The following ARRB1 variants were observed in gnomAD, a reference collection of about 807,000 sequenced individuals.
ARRB1 encodes beta-arrestin-1.
In ARRB1, 21 loss-of-function variants were observed where a neutral mutation model predicts 56.8. That is an observed-to-expected ratio of 0.37 (90% CI 0.26 to 0.53). ARRB1 has a LOEUF of 0.53. Among genes scored for constraint, ARRB1 ranks in the 20% least tolerant of loss-of-function variants. The pLI is 0.88. For synonymous variants in ARRB1, 210 were observed against 218.6 expected (o/e 0.96, Z 0.35); for missense variants, 424 against 553.7 (o/e 0.77, Z 2.35).
rs780614278 is a variant in ARRB1 at position 75,281,928 on chromosome 11, G to A, written c.414+34C>T. The A allele has an allele frequency of 2.5e-6, 4 of 1,608,754 alleles. No homozygotes were observed. The South Asian group carries it at 4.4e-5, about 18-fold the overall frequency. ...GGGACCTGGGGACATGAGACTCCTG[G>A]AGCCAGAGAGATGGTCCCCTTGGGG... is the stretch of plus-strand genomic sequence containing the variant. On this transcript the variant is annotated intron_variant, in intron 6 of 15. Coordinates refer to ENST00000420843, the MANE Select transcript of ARRB1 (RefSeq NM_004041.5).
chr11:75,346,703 G>A (rs192284440), intron 1 of ARRB1, among the ~76,000 whole-genome samples: 25 of 152,212 alleles, frequency 1.6e-4, no homozygotes, highest in African/African-American at 5.8e-4. Context: ...ATGGCCTTCC[G>A]TCAGTTTCCT....
At chr11:75,321,822 T>C (rs1385632116) in intron 1 of ARRB1, among the ~76,000 whole-genome samples, 1 of 152,232 alleles carries the variant, frequency 6.6e-6, no homozygotes, top group Admixed American at 6.5e-5. Context: ...GTGTGTCAGA[T>C]GCTGTTGGCC....
At chr11:75,343,812 ATT>A (rs113649592) in intron 1 of ARRB1, among the ~76,000 whole-genome samples, 5 of 145,998 alleles carry the variant, frequency 3.4e-5, no homozygotes, top group Non-Finnish European at 4.5e-5. Context: ...TGACCTGAGT[ATT>A]TTTTTTTTTT....
intron 1 of ARRB1, among the ~76,000 whole-genome samples, chr11:75,318,572 C>T (rs542727450): frequency 6.6e-6 from 1 of 152,264 alleles, no homozygotes; most frequent in Admixed American, 6.5e-5. Flanking sequence ...CACCTTTAAT[C>T]CCAGCTACTC....
chr11:75,350,414 AAG>A (rs1947828411), intron 1 of ARRB1, among the ~76,000 whole-genome samples: 1 of 152,212 alleles, frequency 6.6e-6, no homozygotes, highest in South Asian at 2.1e-4. Flanking sequence ...ATAGAAGAGA[AAG>A]ACAGAAAACA....
chr11:75,322,655 C>T (rs1244189480), intron 1 of ARRB1, among the ~76,000 whole-genome samples: 1 of 152,194 alleles, frequency 6.6e-6, no homozygotes, highest in Non-Finnish European at 1.5e-5. Context: ...GTGGATATTA[C>T]TCTGTCACCG....
Position 75,263,842 on chromosome 11 carries a change from G to A in ARRB1, c.*2321C>T, listed in dbSNP as rs1945852399. ...CCAAAAGGGTGAGCGTGATGTTGAG[G>A]TGCAGGAGGCTCGGGAAACCAGCCT... is the stretch of plus-strand genomic sequence containing the variant. On this transcript the variant is annotated 3_prime_UTR_variant, in exon 16 of 16. Transcript: ENST00000420843. 6.6e-6 allele frequency among the ~76,000 whole-genome samples: 1 copy of A among 152,218 alleles called. No individual in the cohort carries two copies. Among genetic ancestry groups the A allele is most frequent in the South Asian group, 2.1e-4 (1 of 4,822 alleles).
At position 75,283,422 on chromosome 11, in the gene ARRB1, C is replaced by T. The variant is rs140694278; in HGVS notation, c.219G>A (p.Leu73=). The T allele has an allele frequency of 1.5e-5, 24 of 1,614,024 alleles. No homozygotes were observed. The African/African-American group carries it at 3.1e-4, about 21-fold the overall frequency. Residue 73 remains leucine (L), a synonymous_variant, in exon 5 of 16, where the codon CTG becomes CTA. Transcript: ENST00000420843. ...YGREDLDVLG[L]TFRKDLFVAN... ...CCACAAACAGGTCCTTGCGAAAGGT[C>T]AGGCCCAGGACATCCAGGTCCTCCC...
chr11:75,269,067 G>A (rs920629647), intron 13 of ARRB1, 108 bp from the exon 14 acceptor site: 19 of 1,255,708 alleles, frequency 1.5e-5, no homozygotes. Context: ...TGCCGTCAGA[G>A]GAGGTAGATC....
intron 1 of ARRB1, among the ~76,000 whole-genome samples, chr11:75,292,608 A>G (rs578966): frequency 0.21 from 32,021 of 152,082 alleles, 3,457 homozygotes; most frequent in East Asian, 0.34. Flanking sequence ...ACCGGCCACA[A>G]GGGACTCCAC....
Position 75,274,223 on chromosome 11 carries a change from G to T in ARRB1, c.777-12C>A. 1 of 1,613,720 alleles carries T rather than the reference G, an allele frequency of 6.2e-7. No homozygotes were observed. The highest frequency in any genetic ancestry group is 2.2e-5 in the East Asian group (1 of 44,854). On this transcript the variant is annotated splice_polypyrimidine_tract_variant and intron_variant, in intron 10 of 15. Coordinates refer to ENST00000420843, the MANE Select transcript of ARRB1 (RefSeq NM_004041.5). ...GTGCCACAGTGTCACTGGGAAGAAA[G>T]GAAGCAGCTGTGGAGATGGCCCTCC...
chr11:75,281,287 CG>C (rs1219043619), intron 6 of ARRB1, 145 bp from the exon 7 acceptor site: 2 of 778,460 alleles, frequency 2.6e-6, no homozygotes, highest in African/African-American at 1.7e-5. Context: ...CTGGAAGAAG[CG>C]GGGGAACGCC....
At chr11:75,342,410 C>T (rs561134778) in intron 1 of ARRB1, among the ~76,000 whole-genome samples, 17 of 152,304 alleles carry the variant, frequency 1.1e-4, no homozygotes, top group African/African-American at 3.9e-4. Context: ...GGATGCAGTG[C>T]CCAGAATTCT....
At chr11:75,282,928 T>C (rs1428890892) in intron 5 of ARRB1, among the ~76,000 whole-genome samples, 2 of 152,210 alleles carry the variant, frequency 1.3e-5, no homozygotes, top group Admixed American at 6.5e-5. Flanking sequence ...TCTTGCGAGC[T>C]GGGTTGCTGC....
At chr11:75,343,785 C>G (rs1395542892) in intron 1 of ARRB1, among the ~76,000 whole-genome samples, 1 of 152,032 alleles carries the variant, frequency 6.6e-6, no homozygotes, top group African/African-American at 2.4e-5. Context: ...GAGAAGGCTT[C>G]CTGGAGGAAG....
intron 1 of ARRB1, among the ~76,000 whole-genome samples, chr11:75,302,087 G>C (rs1273965066): frequency 2.0e-5 from 3 of 152,150 alleles, no homozygotes; most frequent in Non-Finnish European, 4.4e-5. Flanking sequence ...GATGGGGACC[G>C]CCGGCTTCTG....
intron 10 of ARRB1, among the ~76,000 whole-genome samples, chr11:75,275,758 T>C (rs1352634124): frequency 2.0e-5 from 3 of 152,142 alleles, no homozygotes; most frequent in Admixed American, 6.5e-5. Flanking sequence ...CTCCTCTACA[T>C]ACTGGGGCAG....
intron 1 of ARRB1, among the ~76,000 whole-genome samples, chr11:75,347,591 A>G (rs1015745095): frequency 1.3e-5 from 2 of 152,210 alleles, no homozygotes; most frequent in African/African-American, 2.4e-5. Flanking sequence ...GCCAACTGTG[A>G]GCCAGACAAG....
chr11:75,302,426 C>G (rs930572622), intron 1 of ARRB1, among the ~76,000 whole-genome samples: 2 of 152,240 alleles, frequency 1.3e-5, no homozygotes, highest in Non-Finnish European at 2.9e-5. Flanking sequence ...ACCCATGAAG[C>G]TGGAGATCTG....
Sources: gnomAD v4.1 joint callset for allele counts (sites outside exome capture counted in the v4.1 genomes callset) on GRCh38, gnomAD v4.1.1 for gene constraint, MANE v1.5 for transcripts, NCBI Gene and HGNC (gene_info 2026-07-23, HGNC 2026-07-21) for gene names.